FBXL13: variants seen among roughly 807,000 people sequenced by gnomAD.
FBXL13 encodes the protein F-box and leucine-rich repeat protein 13.
A neutral mutation model predicts 83.6 loss-of-function variants in FBXL13; 67 were observed. The ratio of observed to expected loss-of-function variants is 0.80; its 90% CI spans 0.66 to 0.98. The LOEUF is 0.98. Among genes scored for constraint, FBXL13 ranks in the 50% least tolerant of loss-of-function variants. The pLI is 0.00. For missense variants in FBXL13, 822 were observed against 866.5 expected, an observed-to-expected ratio of 0.95 and a Z score of 0.64; for synonymous variants, 272 against 299.5, an observed-to-expected ratio of 0.91 and a Z score of 0.95.
intron 1 of FBXL13, among the ~76,000 whole-genome samples, chr7:103,059,258 G>A (rs1797630043): frequency 6.6e-6 from 1 of 152,118 alleles, no homozygotes; most frequent in Non-Finnish European, 1.5e-5. Flanking sequence ...AGCCTGGGTG[G>A]CAGAGAAAGA....
At chr7:103,065,342 T>C (rs1798293780) in intron 1 of FBXL13, among the ~76,000 whole-genome samples, 3 of 152,242 alleles carry the variant, frequency 2.0e-5, no homozygotes, top group Non-Finnish European at 2.9e-5. Flanking sequence ...TTCTCAATTA[T>C]AATTTAAGGT....
chr7:103,018,139 T>C (rs1429488269), intron 6 of FBXL13, among the ~76,000 whole-genome samples: 3 of 152,232 alleles, frequency 2.0e-5, no homozygotes, highest in South Asian at 4.1e-4. Context: ...GCAGAAATTC[T>C]ACAAGCCAGA....
At chr7:102,944,997 AT>A (rs746679986) in intron 8 of FBXL13, 5 of 157,678 alleles carry the variant, frequency 3.2e-5, no homozygotes, top group Non-Finnish European at 4.2e-5. Flanking sequence ...GATCAAAATG[AT>A]TTTATACAAA....
intron 16 of FBXL13, among the ~76,000 whole-genome samples, chr7:102,865,243 G>C (rs1033123476): frequency 6.6e-6 from 1 of 152,122 alleles, no homozygotes; most frequent in African/African-American, 2.4e-5. Flanking sequence ...TTTGAATCAG[G>C]GTTTACATTT....
At chr7:102,835,671 G>A (rs1376941580) in intron 17 of FBXL13, among the ~76,000 whole-genome samples, 3 of 120,214 alleles carry the variant, frequency 2.5e-5, no homozygotes, top group East Asian at 2.6e-4. Context: ...GTGCAGTGGC[G>A]CAATCTCGGC....
intron 16 of FBXL13, among the ~76,000 whole-genome samples, chr7:102,866,345 G>A (rs1160239957): frequency 6.6e-6 from 1 of 152,114 alleles, no homozygotes; most frequent in Non-Finnish European, 1.5e-5. Flanking sequence ...TAACCTCTGT[G>A]AGAAGGAACC....
chr7:102,942,653 T>C (rs1821681084), intron 8 of FBXL13, among the ~76,000 whole-genome samples: 1 of 152,012 alleles, frequency 6.6e-6, no homozygotes, highest in Non-Finnish European at 1.5e-5. Context: ...ATAGAAAAAA[T>C]CCAGTATCTT....
rs1326812912 is a variant in FBXL13, at chr7:103,046,899, GTT to G, written c.-1+8743_-1+8744del. On this transcript the variant is annotated intron_variant, in intron 2 of 19. Transcript: ENST00000313221. ...TGAACTTAAAGTTCAAGGTTCCAAA[GTT>G]TTGTTGCAGTGTGGATGGCAAGCAC... is the stretch of plus-strand genomic sequence containing the variant. 7 of 152,346 alleles carry G rather than the reference GTT, an allele frequency of 4.6e-5. No homozygotes were observed. In the South Asian group the frequency reaches 1.2e-3, roughly 27 times the overall value. The allele number at this position is 152,346 out of a possible 1,614,324, so 9.4% of individuals were successfully genotyped here. A position where few individuals can be genotyped will look rare whatever the true frequency, so the allele number is the denominator to read the frequency against.
At chr7:103,028,613 T>A in exon 4 of FBXL13, 1 of 1,570,698 alleles carries the variant, frequency 6.4e-7, no homozygotes, top group South Asian at 1.2e-5. Flanking sequence ...TAAGTTTTTC[T>A]TTCTGGTCTT....
At chr7:103,047,647 T>C (rs184687263) in intron 2 of FBXL13, among the ~76,000 whole-genome samples, 1 of 152,362 alleles carries the variant, frequency 6.6e-6, no homozygotes, top group East Asian at 1.9e-4. Context: ...ATAATTATGG[T>C]TGACAGTATA....
At chr7:102,854,084 T>C (rs1440001537) in intron 17 of FBXL13, among the ~76,000 whole-genome samples, 3 of 152,190 alleles carry the variant, frequency 2.0e-5, no homozygotes, top group East Asian at 1.9e-4. Context: ...ATGTTTATTG[T>C]GGCGCTATTC....
At chr7:102,917,001 T>C (rs1306942833) in intron 10 of FBXL13, among the ~76,000 whole-genome samples, 3 of 152,148 alleles carry the variant, frequency 2.0e-5, no homozygotes, top group Admixed American at 6.6e-5. Context: ...GAAAAGTATG[T>C]ATTTAAATAA....
At chr7:102,911,092 G>A (rs1814589143) in intron 11 of FBXL13, among the ~76,000 whole-genome samples, 1 of 152,210 alleles carries the variant, frequency 6.6e-6, no homozygotes, top group South Asian at 2.1e-4. Flanking sequence ...TTTCTCTGTA[G>A]ATAGTTGTTA....
At chr7:102,941,439 C>T (rs574802115) in intron 8 of FBXL13, among the ~76,000 whole-genome samples, 2 of 152,284 alleles carry the variant, frequency 1.3e-5, no homozygotes, top group East Asian at 3.9e-4. Context: ...AGCAAATTAT[C>T]TTTAAAAACT....
rs1044187185 is a variant in FBXL13, at chr7:103,021,511, C to T, written c.495+3552G>A. On this transcript the variant is annotated intron_variant, in intron 6 of 19. Coordinates refer to ENST00000313221, the Ensembl canonical transcript of FBXL13. ...ATCTAATTAAACTGAAGAGTTTCTG[C>T]ACAGCAAAAAAAACTACCATCAGAG... Among the ~76,000 whole-genome samples the T allele has an allele frequency of 3.7e-4, 57 of 152,134 alleles. 1 individual carries two copies. The highest frequency in any genetic ancestry group is 1.2e-3 in the African/African-American group (50 of 41,524).
chr7:103,021,717 C>A (rs1185290929), intron 6 of FBXL13, among the ~76,000 whole-genome samples: 2 of 152,160 alleles, frequency 1.3e-5, no homozygotes, highest in Non-Finnish European at 2.9e-5. Flanking sequence ...ATGCAGCCAA[C>A]AGACACATGA....
chr7:102,826,752 T>TATATATAC (rs1799753856), intron 18 of FBXL13, among the ~76,000 whole-genome samples: 1 of 114,264 alleles, frequency 8.8e-6, no homozygotes, highest in Non-Finnish European at 1.8e-5. Flanking sequence ...TATATATATA[T>TATATATAC]ATATATATAT....
At chr7:103,043,464 C>A (rs1328083521) in intron 2 of FBXL13, among the ~76,000 whole-genome samples, 1 of 152,176 alleles carries the variant, frequency 6.6e-6, no homozygotes, top group Non-Finnish European at 1.5e-5. Flanking sequence ...ACCCAGCAAT[C>A]CCATTACTGG....
At chr7:102,812,396 G>T (rs1797481210), downstream of FBXL13, among the ~76,000 whole-genome samples, 2 of 152,170 alleles carry the variant, frequency 1.3e-5, no homozygotes, top group Admixed American at 6.5e-5. Flanking sequence ...TGATTAAAGA[G>T]ATGTCTTTCT....
Sources: gnomAD v4.1 joint callset for allele counts (sites outside exome capture counted in the v4.1 genomes callset) on GRCh38, gnomAD v4.1.1 for gene constraint, MANE v1.5 for transcripts, NCBI Gene and HGNC (gene_info 2026-07-23, HGNC 2026-07-21) for gene names.